The following CCNH variants were observed in gnomAD, a reference collection of about 807,000 sequenced individuals.
The protein encoded by CCNH is cyclin-H.
In CCNH, 31 loss-of-function variants were observed where a neutral mutation model predicts 41.9. The observed-to-expected ratio is 0.74, with a 90% confidence interval of 0.56 to 1.00. The LOEUF is 1.00. Among genes scored for constraint, CCNH ranks in the 50% least tolerant of loss-of-function variants. The pLI is 0.00. For missense variants in CCNH, 362 were observed against 388.4 expected (o/e 0.93, Z 0.57); for synonymous variants, 138 against 136.1 (o/e 1.01, Z -0.10).
rs766738510 is a variant in CCNH at position 87,331,395 on chromosome 5, G to A, written c.*91-12498C>T. On this transcript the variant is annotated intron_variant and NMD_transcript_variant, in intron 9 of 9. Transcript: ENST00000645953. Reference sequence around the variant, plus strand: ...AGAACGATAGCAGAAGAACGCCTCAGGCAGGCAGGGAAGTCTGGCAGTTAT... The same window carrying A: ...AGAACGATAGCAGAAGAACGCCTCAAGCAGGCAGGGAAGTCTGGCAGTTAT... The A allele has an allele frequency of 5.6e-6, 9 of 1,612,958 alleles. No individual in the cohort carries two copies. Among genetic ancestry groups the A allele is most frequent in the African/African-American group, 1.3e-5 (1 of 74,888 alleles).
downstream of CCNH, among the ~76,000 whole-genome samples, chr5:87,371,703 C>T (rs1476553709): frequency 1.3e-5 from 2 of 152,086 alleles, no homozygotes; most frequent in African/African-American, 4.8e-5. Flanking sequence ...TTACAATCAG[C>T]ACTCTCCCCC....
chr5:87,412,663 T>C lies in CCNH; in HGVS notation c.117+15A>G, dbSNP rs746664708. The C allele has an allele frequency of 6.8e-6, 11 of 1,613,386 alleles. No homozygotes were observed. The highest frequency in any genetic ancestry group is 7.6e-6 in the Non-Finnish European group (9 of 1,179,562). On this transcript the variant is annotated intron_variant, in intron 1 of 8. Transcript: ENST00000256897. ...TAGTGACCGGGCAACTGGGCAACCG[T>C]TGGGAAAACCTCACCTTCCCGTTGG...
intron 9 of CCNH, among the ~76,000 whole-genome samples, chr5:87,335,162 A>G (rs1197435287): frequency 6.6e-6 from 1 of 152,110 alleles, no homozygotes; most frequent in Non-Finnish European, 1.5e-5. Context: ...AATTATGGGC[A>G]TGAGCCACTG....
In CCNH at chr5:87,394,501, G is replaced by C. The variant is rs1404629718; in HGVS notation, c.934-17C>G. 1 of 1,613,258 alleles carries C rather than the reference G, an allele frequency of 6.2e-7. No homozygotes were observed. Among genetic ancestry groups the C allele is most frequent in the African/African-American group, 1.3e-5 (1 of 74,896 alleles). On this transcript the variant is annotated splice_polypyrimidine_tract_variant and intron_variant, in intron 8 of 8. Coordinates refer to ENST00000256897, the MANE Select transcript of CCNH (RefSeq NM_001239.4). ...CCATTCTTCCTAAGAAGGAAAAAAA[G>C]TGTGGTAAGGATAACACTGAAGCAT...
downstream of CCNH, chr5:87,389,581 G>T: frequency 6.3e-7 from 1 of 1,596,780 alleles, no homozygotes; most frequent in Non-Finnish European, 8.6e-7. Context: ...AACACTTAGA[G>T]AGTTAATAAA....
chr5:87,373,749 A>G (rs970464874), downstream of CCNH, among the ~76,000 whole-genome samples: 10 of 152,206 alleles, frequency 6.6e-5, no homozygotes, highest in African/African-American at 2.2e-4. Flanking sequence ...ACTCTTTTAT[A>G]GAAATAGAAT....
chr5:87,401,271 T>C (rs1436054821), intron 6 of CCNH, among the ~76,000 whole-genome samples: 1 of 152,258 alleles, frequency 6.6e-6, no homozygotes, highest in Non-Finnish European at 1.5e-5. Flanking sequence ...CTTTCTCTGC[T>C]GTCTTAACAG....
intron 9 of CCNH, chr5:87,366,394 TC>T: frequency 2.4e-6 from 1 of 423,616 alleles, no homozygotes; most frequent in African/African-American, 2.0e-5. Context: ...AAAAGAAAGG[TC>T]CACATTACAC....
At chr5:87,317,765 AG>A (rs1452195925), downstream of CCNH, among the ~76,000 whole-genome samples, 2 of 151,736 alleles carry the variant, frequency 1.3e-5, no homozygotes, top group Admixed American at 6.6e-5. Flanking sequence ...CCTCCTGAGT[AG>A]CTGTGATTAC....
Position 87,405,197 on chromosome 5 carries a change from G to A in CCNH, c.526-190C>T, listed in dbSNP as rs113424217. 5.3e-5 allele frequency among the ~76,000 whole-genome samples: 8 copies of A among 152,288 alleles called. 1 individual carries two copies. The highest frequency in any genetic ancestry group is 1.9e-4 in the African/African-American group (8 of 41,550). ...TGGTCCTTTTCCACCTGAGTAGGAA[G>A]GGGAGGGAAGGGAAGCTCTTAGAGA... On this transcript the variant is annotated intron_variant, in intron 4 of 8. Transcript: ENST00000256897.
downstream of CCNH, among the ~76,000 whole-genome samples, chr5:87,388,937 T>G (rs1009359886): frequency 6.6e-6 from 1 of 152,156 alleles, no homozygotes; most frequent in Non-Finnish European, 1.5e-5. Flanking sequence ...CCACCCCTTA[T>G]TTTTAGAATA....
At chr5:87,382,390 G>A (rs915071305) in intron 9 of CCNH, among the ~76,000 whole-genome samples, 1 of 152,194 alleles carries the variant, frequency 6.6e-6, no homozygotes, top group Non-Finnish European at 1.5e-5. Context: ...AACAGAGATT[G>A]TATCTATTAA....
At chr5:87,313,679 A>G (rs991012430), downstream of CCNH, among the ~76,000 whole-genome samples, 1 of 152,236 alleles carries the variant, frequency 6.6e-6, no homozygotes, top group African/African-American at 2.4e-5. Context: ...GATTGATTAT[A>G]TTACAGATAA....
chr5:87,360,933 A>G (rs1411364513), intron 9 of CCNH, among the ~76,000 whole-genome samples: 1 of 152,170 alleles, frequency 6.6e-6, no homozygotes, highest in Non-Finnish European at 1.5e-5. Context: ...GAATATTTTA[A>G]GTATGTTCAA....
chr5:87,317,563 C>T (rs1162402596), downstream of CCNH, among the ~76,000 whole-genome samples: 1 of 151,298 alleles, frequency 6.6e-6, no homozygotes, highest in Non-Finnish European at 1.5e-5. Flanking sequence ...GTGTTTCCAC[C>T]TATCTTTTGT....
At position 87,346,575 on chromosome 5, in the gene CCNH, CTT is replaced by C. The variant is rs547869592; in HGVS notation, c.*91-27680_*91-27679del. On this transcript the variant is annotated intron_variant and NMD_transcript_variant, in intron 9 of 9. Coordinates refer to the CCNH transcript ENST00000645953. ...TTGATTAATTGCATTTATTTTATCA[CTT>C]TGAATTAAACTTACTATATTGGTTG... The C allele has an allele frequency of 1.2e-3, 798 of 677,046 alleles. 4 individuals are homozygous for C. The African/African-American group carries it at 0.013, about 11-fold the overall frequency. The allele number at this position is 677,046 out of a possible 1,614,324, so 41.9% of individuals were successfully genotyped here. A position where few individuals can be genotyped will look rare whatever the true frequency, so the allele number is the denominator to read the frequency against.
intron 9 of CCNH, among the ~76,000 whole-genome samples, chr5:87,338,803 A>G (rs1299270714): frequency 6.6e-6 from 1 of 151,766 alleles, no homozygotes; most frequent in African/African-American, 2.4e-5. Context: ...TCAAATATAT[A>G]TATAATTTTC....
At chr5:87,390,794 G>C (rs1762458612), downstream of CCNH, 1 of 1,607,614 alleles carries the variant, frequency 6.2e-7, no homozygotes, top group Admixed American at 1.7e-5. Flanking sequence ...TTTTTCCTCT[G>C]TCTAGCACGT....
At chr5:87,379,527 A>C (rs1012811176), upstream of CCNH, among the ~76,000 whole-genome samples, 36 of 152,192 alleles carry the variant, frequency 2.4e-4, no homozygotes, top group South Asian at 1.9e-3. Flanking sequence ...TCAGTTGGCT[A>C]ATTGGGAATA....
Sources: allele counts gnomAD v4.1 joint callset (sites outside exome capture counted in the v4.1 genomes callset), GRCh38; gene constraint gnomAD v4.1.1; transcripts MANE v1.5; gene names NCBI Gene and HGNC (gene_info 2026-07-23, HGNC 2026-07-21).